PTPRO: variants seen among roughly 807,000 people sequenced by gnomAD.
PTPRO encodes the protein receptor-type tyrosine-protein phosphatase O.
PTPRO carries 62 observed loss-of-function variants against 145.2 expected under a neutral mutation model. That is an observed-to-expected ratio of 0.43 (90% CI 0.35 to 0.53). The LOEUF is 0.53. Ranked by LOEUF, PTPRO falls within the 20% of genes least tolerant of loss-of-function variation. The pLI, the probability that PTPRO is intolerant of heterozygous loss-of-function variation, is 0.01. For missense variants in PTPRO, 1,345 were observed against 1,482.7 expected (o/e 0.91, Z 1.53); for synonymous variants, 565 against 514.7 (o/e 1.10, Z -1.32).
intron 12 of PTPRO, among the ~76,000 whole-genome samples, chr12:15,527,494 T>G (rs1375399937): frequency 6.6e-6 from 1 of 152,160 alleles, no homozygotes; most frequent in Non-Finnish European, 1.5e-5. Context: ...CCATTCCCAG[T>G]CCCAGCAACT....
intron 1 of PTPRO, among the ~76,000 whole-genome samples, chr12:15,469,402 A>G (rs1941488272): frequency 1.3e-5 from 2 of 152,212 alleles, no homozygotes; most frequent in African/African-American, 4.8e-5. Context: ...ATTATGCCAG[A>G]AGAATGTTGC....
chr12:15,574,479 C>A (rs1306447125), intron 19 of PTPRO, among the ~76,000 whole-genome samples: 2 of 152,192 alleles, frequency 1.3e-5, no homozygotes, highest in Admixed American at 6.5e-5. Flanking sequence ...CATCTCTGTT[C>A]AGACATGTGG....
chr12:15,371,260 T>G, intron 1 of PTPRO, among the ~76,000 whole-genome samples: 1 of 150,940 alleles, frequency 6.6e-6, no homozygotes, highest in African/African-American at 2.4e-5. Context: ...TTAGACCGAG[T>G]CTCGCTCTGT....
intron 1 of PTPRO, among the ~76,000 whole-genome samples, chr12:15,458,044 T>C (rs1941219243): frequency 1.3e-5 from 2 of 152,210 alleles, no homozygotes; most frequent in African/African-American, 4.8e-5. Flanking sequence ...GCAGTTCCGG[T>C]AGTGGTGAAT....
chr12:15,451,191 T>C lies in PTPRO; in HGVS notation c.76-32783T>C, dbSNP rs961122344. Among the ~76,000 whole-genome samples, 4 of 152,018 alleles carry C rather than the reference T, an allele frequency of 2.6e-5. No homozygotes were observed. The East Asian group carries it at 5.8e-4, about 22-fold the overall frequency. ...AAGCAAGCAGGAGTAGCTATTCTTA[T>C]ATAAGACAAAGCAAACTTTAAAGCA... On this transcript the variant is annotated intron_variant, in intron 1 of 26. Transcript: ENST00000281171.
rs771339071 is a variant in PTPRO at position 15,557,571 on chromosome 12, G to A, written c.2627+48G>A. The A allele has an allele frequency of 2.6e-6, 4 of 1,549,894 alleles. No homozygotes were observed. In the African/African-American group the frequency reaches 4.1e-5, roughly 16 times the overall value. On this transcript the variant is annotated intron_variant, in intron 16 of 26. Transcript: ENST00000281171. Reference sequence around the variant, plus strand: ...CTTCTACATAGTTTAACTATGCTGTGTGTGCTCCAAAGTCGATTTTACTAT... The same window carrying A: ...CTTCTACATAGTTTAACTATGCTGTATGTGCTCCAAAGTCGATTTTACTAT...
At chr12:15,415,412 T>C (rs1939923060) in intron 1 of PTPRO, among the ~76,000 whole-genome samples, 3 of 148,806 alleles carry the variant, frequency 2.0e-5, no homozygotes, top group Admixed American at 6.8e-5. Context: ...TGAGATGGAG[T>C]CTCGCTCTGT....
intron 1 of PTPRO, among the ~76,000 whole-genome samples, chr12:15,382,159 A>AATATATATATATATATAT (rs144742152): frequency 8.2e-5 from 12 of 145,722 alleles, no homozygotes; most frequent in African/African-American, 2.8e-4. Context: ...AAAAGTGAGA[A>AATATATATATATATATAT]ATATATATAT....
rs770702965 is a variant in PTPRO at position 15,439,549 on chromosome 12, C to T, written c.76-44425C>T. 18 of 246,162 alleles carry T rather than the reference C, an allele frequency of 7.3e-5. No individual in the cohort carries two copies. The East Asian group carries it at 1.3e-3, about 18-fold the overall frequency. The allele number at this position is 246,162 out of a possible 1,614,324, so 15.2% of individuals were successfully genotyped here. A position where few individuals can be genotyped will look rare whatever the true frequency, so the allele number is the denominator to read the frequency against. On this transcript the variant is annotated intron_variant, in intron 1 of 26. Transcript: ENST00000281171. Reference sequence around the variant, plus strand: ...CAAATAGCAGATGACGCTGGTGGAGCGAGGGGGCCCGGAGGACTCGGGGGC... The same window carrying T: ...CAAATAGCAGATGACGCTGGTGGAGTGAGGGGGCCCGGAGGACTCGGGGGC...
At chr12:15,404,904 G>A (rs1939604175) in intron 1 of PTPRO, among the ~76,000 whole-genome samples, 1 of 152,178 alleles carries the variant, frequency 6.6e-6, no homozygotes. Flanking sequence ...GAAAGTCCAA[G>A]ATCAAGGTGC....
chr12:15,558,811 C>G (rs1423046342), intron 16 of PTPRO, among the ~76,000 whole-genome samples: 2 of 152,080 alleles, frequency 1.3e-5, no homozygotes, highest in African/African-American at 2.4e-5. Context: ...GATACTCACT[C>G]TAGTTGAAAA....
At chr12:15,526,349 T>C (rs1942837881) in intron 12 of PTPRO, 87 bp downstream of exon 12, 1 of 1,554,618 alleles carries the variant, frequency 6.4e-7, no homozygotes, top group Non-Finnish European at 8.8e-7. Context: ...TTCAATGAAA[T>C]AATAACAGAA....
In PTPRO at chr12:15,356,934, C is replaced by A. The variant is rs1446167436; in HGVS notation, c.75+34133C>A. On this transcript the variant is annotated intron_variant, in intron 1 of 26. Transcript: ENST00000281171. ...GAGGCTTAAGGGGTCACGGTCAATGCTGTAGATAATTGCTGTTTTCAGCTG... is the reference window on the plus strand; with the variant it reads ...GAGGCTTAAGGGGTCACGGTCAATGATGTAGATAATTGCTGTTTTCAGCTG... Among the ~76,000 whole-genome samples, 3 of 152,054 alleles carry A rather than the reference C, an allele frequency of 2.0e-5. No homozygotes were observed. The East Asian group carries it at 5.8e-4, about 29-fold the overall frequency.
intron 1 of PTPRO, among the ~76,000 whole-genome samples, chr12:15,367,776 C>G (rs990341006): frequency 6.6e-6 from 1 of 152,114 alleles, no homozygotes; most frequent in East Asian, 1.9e-4. Context: ...CTGTCACACC[C>G]CACAATGCCC....
At chr12:15,355,563 C>T (rs906380732) in intron 1 of PTPRO, among the ~76,000 whole-genome samples, 2 of 152,200 alleles carry the variant, frequency 1.3e-5, no homozygotes, top group Admixed American at 1.3e-4. Context: ...TGGAGATTAA[C>T]TTTAATATCT....
intron 1 of PTPRO, among the ~76,000 whole-genome samples, chr12:15,329,322 G>A (rs1298064639): frequency 6.6e-6 from 1 of 152,188 alleles, no homozygotes; most frequent in Non-Finnish European, 1.5e-5. Context: ...CCAGATGTCA[G>A]AGAATTCAAA....
At chr12:15,454,186 C>T (rs1235967975) in intron 1 of PTPRO, among the ~76,000 whole-genome samples, 2 of 152,124 alleles carry the variant, frequency 1.3e-5, no homozygotes, top group Non-Finnish European at 2.9e-5. Flanking sequence ...ATTTTTCATT[C>T]CCAACAACAG....
chr12:15,341,059 G>A (rs1047256520), intron 1 of PTPRO, among the ~76,000 whole-genome samples: 2 of 152,104 alleles, frequency 1.3e-5, no homozygotes, highest in African/African-American at 2.4e-5. Context: ...ATATCTGACT[G>A]TTCAGTGAAA....
At position 15,474,391 on chromosome 12, in the gene PTPRO, C is replaced by T. The variant is rs114962058; in HGVS notation, c.76-9583C>T. 7.3e-3 allele frequency among the ~76,000 whole-genome samples: 1,105 copies of T among 152,302 alleles called. 16 individuals are homozygous for T. The highest frequency in any genetic ancestry group is 0.026 in the African/African-American group (1,065 of 41,552). On this transcript the variant is annotated intron_variant, in intron 1 of 26. Coordinates refer to ENST00000281171, the MANE Select transcript of PTPRO (RefSeq NM_030667.3). ...ACAGGTCACAGGCTCCTGGGCTCCC[C>T]TTCTTGCTGAAGCCAAGTGCCCAGA...
Sources: gnomAD v4.1 joint callset for allele counts (sites outside exome capture counted in the v4.1 genomes callset) on GRCh38, gnomAD v4.1.1 for gene constraint, MANE v1.5 for transcripts, NCBI Gene and HGNC (gene_info 2026-07-23, HGNC 2026-07-21) for gene names.